Variants in PLS3 observed in about 807,000 individuals in gnomAD.
PLS3 encodes plastin-3.
In PLS3, 11 loss-of-function variants were observed where a neutral mutation model predicts 46.5. The observed-to-expected ratio is 0.24, with a 90% CI of 0.15 to 0.39. The LOEUF (loss-of-function observed/expected upper bound fraction) is 0.39. PLS3 is among the 10% of genes least tolerant of loss of function. PLS3 has a pLI of 1.00. For missense variants in PLS3, 308 were observed against 461.8 expected, an observed-to-expected ratio of 0.67 and a Z score of 3.05; for synonymous variants, 167 against 162.2, an observed-to-expected ratio of 1.03 and a Z score of -0.22.
At chrX:115,573,469 T>C (rs782059528) in intron 1 of PLS3, among the ~76,000 whole-genome samples, 4 of 112,379 alleles carry the variant, frequency 3.6e-5, no homozygotes, top group Non-Finnish European at 7.5e-5. Context: ...CTTTACTAAA[T>C]TGTAGATGTT....
chrX:115,606,088 C>T (rs1172329041), intron 1 of PLS3, among the ~76,000 whole-genome samples: 2 of 66,052 alleles, frequency 3.0e-5, no homozygotes, highest in Non-Finnish European at 5.8e-5. Context: ...ATAAGGGGGG[C>T]GGGGGGCAGG....
intron 1 of PLS3, among the ~76,000 whole-genome samples, chrX:115,608,292 A>C (rs1260084030): frequency 8.9e-6 from 1 of 112,186 alleles, no homozygotes; most frequent in Non-Finnish European, 1.9e-5. Flanking sequence ...GTTGCCTTTT[A>C]ATAAAATGTC....
chrX:115,638,696 AT>A (rs1256333992), intron 8 of PLS3, among the ~76,000 whole-genome samples: 4 of 105,015 alleles, frequency 3.8e-5, no homozygotes, highest in Non-Finnish European at 5.8e-5. Context: ...TTTATTTTTT[AT>A]TTTTTAAATT....
At chrX:115,592,701 C>G (rs1156364518) in intron 1 of PLS3, among the ~76,000 whole-genome samples, 4 of 111,686 alleles carry the variant, frequency 3.6e-5, no homozygotes, top group African/African-American at 1.3e-4. Flanking sequence ...TTACCATGCG[C>G]CAGACTATGA....
intron 2 of PLS3, among the ~76,000 whole-genome samples, chrX:115,612,537 G>A (rs1168501645): frequency 9.0e-6 from 1 of 110,717 alleles, no homozygotes; most frequent in East Asian, 2.8e-4. Context: ...TTTTTGTGGG[G>A]GTGGGTTGGC....
In PLS3 at chrX:115,581,825, G is replaced by T. The variant is rs1430105632; in HGVS notation, c.-9+20565G>T. Among the ~76,000 whole-genome samples the T allele has an allele frequency of 2.7e-5, 3 of 111,743 alleles. No individual in the cohort carries two copies. In the East Asian group the frequency reaches 8.4e-4, roughly 31 times the overall value. On this transcript the variant is annotated intron_variant, in intron 1 of 15. Coordinates refer to ENST00000355899, the MANE Select transcript of PLS3 (RefSeq NM_005032.7). The stretch of plus-strand genomic sequence containing the variant: ...ACTTAGCAGGAATTTGAAAATCAGG[G>T]TCCAAATGTACTACCCTAAGTACAG...
chrX:115,585,075 A>G (rs782564914), intron 1 of PLS3, among the ~76,000 whole-genome samples: 3 of 111,201 alleles, frequency 2.7e-5, no homozygotes, highest in Admixed American at 1.9e-4. Flanking sequence ...GTGACTTCCA[A>G]TTCAATTGGA....
intron 7 of PLS3, 40 bp downstream of exon 7, chrX:115,635,086 A>G: frequency 8.9e-7 from 1 of 1,118,369 alleles, no homozygotes; most frequent in South Asian, 2.0e-5. Flanking sequence ...TTTATTGGTT[A>G]TTTTTTTCTA....
At chrX:115,633,886 A>C in intron 5 of PLS3, 114 bp from the exon 6 acceptor site, 1 of 497,461 alleles carries the variant, frequency 2.0e-6, no homozygotes, top group Middle Eastern at 5.6e-4. Flanking sequence ...TTTAGAGTAC[A>C]TGAAAGAGAT....
chrX:115,593,720 C>A (rs782355544), intron 1 of PLS3: 4 of 111,460 alleles, frequency 3.6e-5, no homozygotes, highest in Non-Finnish European at 7.5e-5. Context: ...CAGGAATTTA[C>A]GTCAAAAAGC....
intron 3 of PLS3, among the ~76,000 whole-genome samples, chrX:115,627,894 A>C: frequency 8.9e-6 from 1 of 112,617 alleles, no homozygotes; most frequent in East Asian, 2.8e-4. Flanking sequence ...CTCTCAAACA[A>C]AATTTTATTT....
intron 5 of PLS3, among the ~76,000 whole-genome samples, chrX:115,633,360 G>A (rs2074798024): frequency 9.0e-6 from 1 of 110,759 alleles, no homozygotes; most frequent in Admixed American, 9.6e-5. Flanking sequence ...TAGTAGAGAC[G>A]GGGTTTTCCC....
intron 1 of PLS3, among the ~76,000 whole-genome samples, chrX:115,605,778 A>C (rs2074485151): frequency 8.9e-6 from 1 of 111,886 alleles, no homozygotes; most frequent in Non-Finnish European, 1.9e-5. Context: ...TAGGAAGAAA[A>C]AAAGAACTGC....
chrX:115,587,550 A>C (rs2074317135), intron 1 of PLS3, among the ~76,000 whole-genome samples: 1 of 111,261 alleles, frequency 9.0e-6, no homozygotes, highest in Non-Finnish European at 1.9e-5. Flanking sequence ...CCTGGCTAAC[A>C]CGGTGAAACC....
At chrX:115,587,042 G>A (rs1279403588) in intron 1 of PLS3, among the ~76,000 whole-genome samples, 1 of 111,897 alleles carries the variant, frequency 8.9e-6, no homozygotes, top group Non-Finnish European at 1.9e-5. Flanking sequence ...GGCTCATGGG[G>A]GTTAAAATTA....
At chrX:115,624,011 C>T (rs2074683309) in intron 3 of PLS3, among the ~76,000 whole-genome samples, 2 of 111,384 alleles carry the variant, frequency 1.8e-5, no homozygotes, top group Admixed American at 1.9e-4. Context: ...GGGTGGATCA[C>T]GAGCTCAGAA....
At chrX:115,575,529 C>T (rs781993335) in intron 1 of PLS3, among the ~76,000 whole-genome samples, 8 of 111,905 alleles carry the variant, frequency 7.1e-5, no homozygotes, top group South Asian at 3.7e-4. Flanking sequence ...CTGCAAGCTC[C>T]GCCTCCCGGG....
chrX:115,601,889 T>C (rs1478416335), intron 1 of PLS3, among the ~76,000 whole-genome samples: 1 of 111,765 alleles, frequency 8.9e-6, no homozygotes, highest in East Asian at 2.8e-4. Flanking sequence ...GGCAGTAAGT[T>C]AGATTGGAGA....
At chrX:115,575,068 T>C (rs1442075012) in intron 1 of PLS3, among the ~76,000 whole-genome samples, 1 of 111,921 alleles carries the variant, frequency 8.9e-6, no homozygotes, top group Non-Finnish European at 1.9e-5. Flanking sequence ...GAGTTCCCTG[T>C]TCTGGACATT....
Sources: allele counts gnomAD v4.1 joint callset (sites outside exome capture counted in the v4.1 genomes callset), GRCh38; gene constraint gnomAD v4.1.1; transcripts MANE v1.5; gene names NCBI Gene and HGNC (gene_info 2026-07-23, HGNC 2026-07-21).